Variants in ARAP2 observed in about 807,000 individuals in gnomAD.
The protein encoded by ARAP2 is arf-GAP with Rho-GAP domain, ANK repeat and PH domain-containing protein 2.
In ARAP2, 148 loss-of-function variants were observed where a neutral mutation model predicts 194.5. That is an observed-to-expected ratio of 0.76 (90% CI 0.67 to 0.87). The LOEUF is 0.87. ARAP2 is among the 40% of genes least tolerant of loss of function. ARAP2 has a pLI of 0.00. For synonymous variants in ARAP2, 695 were observed against 683.5 expected (o/e 1.02, Z -0.26); for missense variants, 2,128 against 1,989.7 (o/e 1.07, Z -1.32).
chr4:36,121,083 T>A, intron 23 of ARAP2, 96 bp downstream of exon 23: 1 of 905,064 alleles, frequency 1.1e-6, no homozygotes, highest in East Asian at 3.1e-5. Context: ...TAAATATGAA[T>A]AAAGATCTGA....
intron 5 of ARAP2, among the ~76,000 whole-genome samples, chr4:36,028,634 A>G (rs1392760407): frequency 6.7e-6 from 1 of 150,176 alleles, no homozygotes; most frequent in East Asian, 2.0e-4. Context: ...AAATCAGTCT[A>G]TTGATTTATT....
intron 6 of ARAP2, among the ~76,000 whole-genome samples, chr4:36,197,764 A>G (rs1743444968): frequency 1.3e-5 from 2 of 152,194 alleles, no homozygotes; most frequent in African/African-American, 4.8e-5. Flanking sequence ...AGGTGTCTGC[A>G]TGGGTGCCGG....
intron 7 of ARAP2, among the ~76,000 whole-genome samples, chr4:36,192,282 A>G (rs1044307574): frequency 1.3e-5 from 2 of 148,952 alleles, no homozygotes; most frequent in African/African-American, 5.0e-5. Context: ...AAGCTAAATG[A>G]TTTGCAATAT....
intron 5 of ARAP2, among the ~76,000 whole-genome samples, chr4:36,019,714 T>C (rs766254230): frequency 6.6e-6 from 1 of 152,054 alleles, no homozygotes; most frequent in African/African-American, 2.4e-5. Flanking sequence ...TGAGATAGTA[T>C]ATGAAGAACT....
chr4:36,124,762 A>C, intron 22 of ARAP2, 100 bp downstream of exon 22: 1 of 653,310 alleles, frequency 1.5e-6, no homozygotes, highest in Non-Finnish European at 2.6e-6. Flanking sequence ...GACTAAGGTG[A>C]GTTCTTATGA....
chr4:36,239,212 G>T (rs995015155), intron 1 of ARAP2, among the ~76,000 whole-genome samples: 11 of 145,764 alleles, frequency 7.5e-5, no homozygotes, highest in Admixed American at 2.0e-4. Flanking sequence ...GTGGGCGGAG[G>T]TTGCAGTGAG....
intron 1 of ARAP2, among the ~76,000 whole-genome samples, chr4:36,230,093 A>G (rs1300827003): frequency 6.6e-6 from 1 of 152,178 alleles, no homozygotes; most frequent in Non-Finnish European, 1.5e-5. Context: ...ATAAGCCATA[A>G]CATTTGGGGT....
chr4:36,128,659 T>C lies in ARAP2; in HGVS notation c.3514A>G (p.Ser1172Gly). 6.2e-7 allele frequency: 1 copy of C among 1,612,998 alleles called. No homozygotes were observed. The highest frequency in any genetic ancestry group is 8.5e-7 in the Non-Finnish European group (1 of 1,179,460). ...LLESFKKDAR[S>G]FKLRAGKHQL... ...TGTTTTCCAGCCCTCAATTTAAAGC[T>C]TCTTGCATCCTTTTTGAAACTCTCC... The change falls in exon 21 of 33, where the codon AGC becomes GGC. Residue 1172 changes from serine (S) to glycine (G), a missense_variant. Ser to Gly is a moderately conservative substitution (Grantham distance 56). Coordinates refer to ENST00000303965, the MANE Select transcript of ARAP2 (RefSeq NM_015230.4).
At chr4:36,156,595 CAATT>C (rs1449385401) in intron 15 of ARAP2, among the ~76,000 whole-genome samples, 1 of 152,016 alleles carries the variant, frequency 6.6e-6, no homozygotes, top group Non-Finnish European at 1.5e-5. Context: ...TACAGAAAGA[CAATT>C]AAGGAAGGCA....
intron 5 of ARAP2, among the ~76,000 whole-genome samples, chr4:36,021,879 A>G (rs1389382165): frequency 6.6e-6 from 1 of 152,166 alleles, no homozygotes; most frequent in African/African-American, 2.4e-5. Flanking sequence ...CACTTTGAGA[A>G]ATGAGTCATT....
At chr4:36,048,684 C>A (rs1287051064) in intron 3 of ARAP2, among the ~76,000 whole-genome samples, 1 of 151,964 alleles carries the variant, frequency 6.6e-6, no homozygotes, top group African/African-American at 2.4e-5. Flanking sequence ...GTACATATGC[C>A]TTTTTGGTAG....
At chr4:36,203,341 T>C (rs1245195951) in intron 6 of ARAP2, among the ~76,000 whole-genome samples, 1 of 152,130 alleles carries the variant, frequency 6.6e-6, no homozygotes. Flanking sequence ...TCCAGCATTT[T>C]GGGAGACCTA....
At chr4:36,014,851 A>T (rs932090986) in intron 8 of ARAP2, among the ~76,000 whole-genome samples, 1 of 152,088 alleles carries the variant, frequency 6.6e-6, no homozygotes, top group Non-Finnish European at 1.5e-5. Flanking sequence ...AGAGGAAGAG[A>T]GACTCATCTC....
At chr4:36,077,619 C>T (rs1560378529) in intron 31 of ARAP2, among the ~76,000 whole-genome samples, 1 of 152,088 alleles carries the variant, frequency 6.6e-6, no homozygotes, top group Non-Finnish European at 1.5e-5. Flanking sequence ...TTCATTACCA[C>T]CCTAGTCTGA....
At chr4:36,173,485 A>G (rs902321711) in intron 9 of ARAP2, among the ~76,000 whole-genome samples, 2 of 152,194 alleles carry the variant, frequency 1.3e-5, no homozygotes, top group African/African-American at 4.8e-5. Flanking sequence ...TAGGACATAG[A>G]CAAAATTTCT....
At position 36,035,593 on chromosome 4, in the gene ARAP2, T is replaced by C. The variant is rs958905125; in HGVS notation, n.607+10386A>G. On this transcript the variant is annotated intron_variant and non_coding_transcript_variant, in intron 5 of 12. Coordinates refer to the ARAP2 transcript ENST00000503225. ...CTATTTACATCTCCAGCAGAGTCTA[T>C]GAGATTTCTTGTTGCTCCAAATCCT... 1.3e-5 allele frequency among the ~76,000 whole-genome samples: 2 copies of C among 152,080 alleles called. 1 individual carries two copies. Among genetic ancestry groups the C allele is most frequent in the Non-Finnish European group, 2.9e-5 (2 of 67,992 alleles).
intron 26 of ARAP2, among the ~76,000 whole-genome samples, chr4:36,109,712 A>T (rs1283433603): frequency 6.6e-6 from 1 of 151,888 alleles, no homozygotes; most frequent in East Asian, 1.9e-4. Context: ...GTATGGCTTT[A>T]AATATATTTT....
intron 22 of ARAP2, among the ~76,000 whole-genome samples, chr4:36,124,127 C>G (rs2109559471): frequency 6.6e-6 from 1 of 151,766 alleles, no homozygotes; most frequent in African/African-American, 2.4e-5. Context: ...AAGAAAAGAA[C>G]AAGAGGAAAG....
chr4:36,173,649 A>G (rs1737154393), intron 9 of ARAP2, among the ~76,000 whole-genome samples: 1 of 152,158 alleles, frequency 6.6e-6, no homozygotes, highest in African/African-American at 2.4e-5. Flanking sequence ...AAGAAGATGA[A>G]GAGACAATTT....
Sources: gnomAD v4.1 joint callset for allele counts (sites outside exome capture counted in the v4.1 genomes callset) on GRCh38, gnomAD v4.1.1 for gene constraint, MANE v1.5 for transcripts, NCBI Gene and HGNC (gene_info 2026-07-23, HGNC 2026-07-21) for gene names.